MEIS1: variants seen among roughly 807,000 people sequenced by gnomAD.
MEIS1 encodes the protein Meis homeobox 1.
A neutral mutation model predicts 50.8 loss-of-function variants in MEIS1; 5 were observed. The ratio of observed to expected loss-of-function variants is 0.10; its 90% confidence interval spans 0.05 to 0.21. The LOEUF (loss-of-function observed/expected upper bound fraction) is 0.21, where lower values mean the gene tolerates loss of function less well. Ranked by LOEUF, MEIS1 falls within the 10% of genes least tolerant of loss-of-function variation. The probability of loss-of-function intolerance (pLI) is 1.00; values close to 1 mark genes in which losing one functional copy is unlikely to be tolerated. For synonymous variants in MEIS1, 176 were observed against 179.3 expected (o/e 0.98, Z 0.15); for missense variants, 318 against 517.3 (o/e 0.61, Z 3.74).
At chr2:66,437,541 T>C in intron 1 of MEIS1, 196 bp from the exon 2 acceptor site, 1 of 606,286 alleles carries the variant, frequency 1.6e-6, no homozygotes, top group Non-Finnish European at 2.9e-6. Context: ...CAGACGAGTC[T>C]CGCTGAGAAT....
intron 7 of MEIS1, among the ~76,000 whole-genome samples, chr2:66,487,476 C>G (rs2103799117): frequency 6.6e-6 from 1 of 152,256 alleles, no homozygotes; most frequent in Middle Eastern, 3.4e-3. Context: ...CCTATATTCC[C>G]CATCAAACTG....
intron 9 of MEIS1, 88 bp from the exon 10 acceptor site, chr2:66,567,365 A>T: frequency 7.2e-7 from 1 of 1,389,754 alleles, no homozygotes; most frequent in Non-Finnish European, 1.0e-6. Flanking sequence ...ATCTAGTTTT[A>T]CTCCAACTGC....
At chr2:66,560,997 T>A (rs898635674) in intron 9 of MEIS1, among the ~76,000 whole-genome samples, 3 of 152,228 alleles carry the variant, frequency 2.0e-5, no homozygotes, top group Non-Finnish European at 4.4e-5. Flanking sequence ...CTTAAAATCA[T>A]GTTTCATGAA....
chr2:66,466,509 C>T (rs550079377), intron 7 of MEIS1, among the ~76,000 whole-genome samples: 1 of 152,310 alleles, frequency 6.6e-6, no homozygotes, highest in East Asian at 1.9e-4. Context: ...CAACCGTCAC[C>T]CTTCTAAACC....
Position 66,515,817 on chromosome 2 carries a change from A to C in MEIS1, c.888+3523A>C, listed in dbSNP as rs192945869. Among the ~76,000 whole-genome samples the C allele has an allele frequency of 6.2e-3, 949 of 152,326 alleles. 11 individuals are homozygous for C. The highest frequency in any genetic ancestry group is 0.022 in the African/African-American group (908 of 41,580). On this transcript the variant is annotated intron_variant, in intron 8 of 12. Transcript: ENST00000272369. Reference sequence around the variant, plus strand: ...TAGAAAGAAAATAAAGGCATTTATTAATAGGAATTCTTACATTTGCCTGAA... The same window carrying C: ...TAGAAAGAAAATAAAGGCATTTATTCATAGGAATTCTTACATTTGCCTGAA...
chr2:66,570,665 GC>G (rs1353536560), intron 12 of MEIS1: 1 of 152,460 alleles, frequency 6.6e-6, no homozygotes, highest in Non-Finnish European at 1.5e-5. Context: ...AAGACAAGAG[GC>G]CCCCTCAAAG....
chr2:66,460,746 T>C (rs1309941849), intron 6 of MEIS1, among the ~76,000 whole-genome samples: 1 of 151,800 alleles, frequency 6.6e-6, no homozygotes, highest in Admixed American at 6.6e-5. Context: ...TTCTTTGTTG[T>C]TGTTGTTGTT....
At chr2:66,509,686 T>TGTGTAACG (rs1673777097) in intron 7 of MEIS1, among the ~76,000 whole-genome samples, 1 of 152,182 alleles carries the variant, frequency 6.6e-6, no homozygotes, top group Non-Finnish European at 1.5e-5. Flanking sequence ...ACAGGAAAGG[T>TGTGTAACG]TCTGGTGAGT....
At chr2:66,533,905 A>G (rs1007532110) in intron 8 of MEIS1, among the ~76,000 whole-genome samples, 1 of 152,216 alleles carries the variant, frequency 6.6e-6, no homozygotes, top group Non-Finnish European at 1.5e-5. Flanking sequence ...TTTAACAGTA[A>G]AAATAAATTT....
intron 7 of MEIS1, among the ~76,000 whole-genome samples, chr2:66,467,373 G>A (rs563826579): frequency 7.9e-5 from 12 of 152,156 alleles, no homozygotes; most frequent in African/African-American, 2.9e-4. Context: ...GAGGTAGGGG[G>A]GGGTCACAAG....
intron 7 of MEIS1, among the ~76,000 whole-genome samples, chr2:66,471,121 A>G (rs1672751828): frequency 6.6e-6 from 1 of 152,236 alleles, no homozygotes; most frequent in Non-Finnish European, 1.5e-5. Flanking sequence ...TCAGCTAGAC[A>G]GTTGGAGTTT....
intron 9 of MEIS1, among the ~76,000 whole-genome samples, chr2:66,556,357 A>G (rs1349702385): frequency 6.6e-6 from 1 of 152,204 alleles, no homozygotes; most frequent in African/African-American, 2.4e-5. Context: ...TGGTTGAAGA[A>G]GGGGAAAAGT....
intron 7 of MEIS1, among the ~76,000 whole-genome samples, chr2:66,511,249 T>G (rs1188752368): frequency 6.6e-6 from 1 of 152,202 alleles, no homozygotes; most frequent in African/African-American, 2.4e-5. Flanking sequence ...TTATTTTTTC[T>G]TATTAAACAT....
chr2:66,446,544 A>C (rs890242682), intron 6 of MEIS1, among the ~76,000 whole-genome samples: 1 of 152,092 alleles, frequency 6.6e-6, no homozygotes, highest in Non-Finnish European at 1.5e-5. Flanking sequence ...GAGGCAGAGA[A>C]ATGGTCCCTT....
chr2:66,441,133 T>TTTTC, intron 4 of MEIS1: 1 of 418,342 alleles, frequency 2.4e-6, no homozygotes. Context: ...TGGGGTGGGG[T>TTTTC]GGGGCCAGTG....
At chr2:66,560,568 A>T (rs1675187811) in intron 9 of MEIS1, among the ~76,000 whole-genome samples, 2 of 149,062 alleles carry the variant, frequency 1.3e-5, no homozygotes, top group Admixed American at 1.3e-4. Flanking sequence ...TGGGCAACAG[A>T]GTGAGACTCT....
chr2:66,460,302 G>C (rs1672488519), intron 6 of MEIS1, among the ~76,000 whole-genome samples: 1 of 152,116 alleles, frequency 6.6e-6, no homozygotes, highest in South Asian at 2.1e-4. Context: ...GGAGTCAGGG[G>C]AGCTCATTCT....
intron 7 of MEIS1, among the ~76,000 whole-genome samples, chr2:66,500,901 A>G (rs942410653): frequency 6.6e-6 from 1 of 152,206 alleles, no homozygotes; most frequent in African/African-American, 2.4e-5. Flanking sequence ...TTAAAACTAA[A>G]TTACATAGCA....
At chr2:66,494,844 G>A (rs554194047) in intron 7 of MEIS1, among the ~76,000 whole-genome samples, 95 of 152,208 alleles carry the variant, frequency 6.2e-4, no homozygotes, top group Middle Eastern at 3.4e-3. Flanking sequence ...TACCCAGACC[G>A]ACCTGAGACT....
Sources: gnomAD v4.1 joint callset for allele counts (sites outside exome capture counted in the v4.1 genomes callset) on GRCh38, gnomAD v4.1.1 for gene constraint, MANE v1.5 for transcripts, NCBI Gene and HGNC (gene_info 2026-07-23, HGNC 2026-07-21) for gene names.